Variants in TRPM3 observed in about 807,000 individuals in gnomAD.
TRPM3 encodes the protein long transient receptor potential channel 3.
TRPM3 carries 77 observed loss-of-function variants against 181.2 expected under a neutral mutation model. The observed-to-expected ratio is 0.42, with a 90% confidence interval of 0.35 to 0.51. TRPM3 has a LOEUF of 0.51. Ranked by LOEUF, TRPM3 falls within the 20% of genes least tolerant of loss-of-function variation. The pLI is 0.01. For missense variants in TRPM3, 1,759 were observed against 2,196.7 expected, an observed-to-expected ratio of 0.80 and a Z score of 3.98; for synonymous variants, 745 against 796.4, an observed-to-expected ratio of 0.94 and a Z score of 1.09.
intron 1 of TRPM3, among the ~76,000 whole-genome samples, chr9:71,292,706 C>T (rs1038622677): frequency 6.6e-6 from 1 of 151,796 alleles, no homozygotes; most frequent in Admixed American, 6.6e-5. Context: ...CCAGCAAGTT[C>T]TATGAACCTT....
At chr9:71,226,389 G>A (rs959954855) in intron 1 of TRPM3, among the ~76,000 whole-genome samples, 10 of 151,882 alleles carry the variant, frequency 6.6e-5, no homozygotes, top group African/African-American at 2.2e-4. Flanking sequence ...GACATAGAGT[G>A]GCTGAATGGA....
chr9:71,183,209 T>G (rs1164960472), intron 1 of TRPM3, among the ~76,000 whole-genome samples: 1 of 152,174 alleles, frequency 6.6e-6, no homozygotes, highest in African/African-American at 2.4e-5. Context: ...TGTGTCCTAC[T>G]GGATCCGCAC....
At position 70,587,045 on chromosome 9, in the gene TRPM3, C is replaced by G. The variant is rs116330980; in HGVS notation, c.3223+3986G>C. ...AACCTTTGTACTAAATATATACATA[C>G]ATAAATAAAGCAAAAACAAAACAAA... On this transcript the variant is annotated intron_variant, in intron 22 of 25. Coordinates refer to ENST00000677713, the MANE Select transcript of TRPM3 (RefSeq NM_001366145.2). 4.3e-3 allele frequency among the ~76,000 whole-genome samples: 655 copies of G among 151,022 alleles called. 5 individuals are homozygous for G. Among genetic ancestry groups the G allele is most frequent in the African/African-American group, 0.015 (602 of 41,066 alleles).
At chr9:71,409,349 G>T (rs1159814624) in intron 1 of TRPM3, among the ~76,000 whole-genome samples, 1 of 152,128 alleles carries the variant, frequency 6.6e-6, no homozygotes, top group East Asian at 1.9e-4. Flanking sequence ...TCAGTGTGCT[G>T]TATTCAGGAA....
intron 9 of TRPM3, among the ~76,000 whole-genome samples, chr9:70,648,909 C>T (rs1463522196): frequency 2.0e-5 from 3 of 151,972 alleles, no homozygotes; most frequent in Non-Finnish European, 2.9e-5. Context: ...AAACCTAGGA[C>T]GTATAATTCT....
intron 15 of TRPM3, 99 bp downstream of exon 15, chr9:70,621,145 C>G: frequency 2.7e-6 from 1 of 376,324 alleles, no homozygotes; most frequent in African/African-American, 2.3e-5. Context: ...TGTATATACA[C>G]TATATATTAT....
At chr9:70,789,589 T>G (rs1041591115) in intron 6 of TRPM3, among the ~76,000 whole-genome samples, 7 of 152,174 alleles carry the variant, frequency 4.6e-5, no homozygotes, top group African/African-American at 1.7e-4. Context: ...CAAAGACTTG[T>G]CATAGCTCTC....
chr9:71,040,301 A>G (rs1481435154), intron 1 of TRPM3, among the ~76,000 whole-genome samples: 1 of 152,206 alleles, frequency 6.6e-6, no homozygotes, highest in Non-Finnish European at 1.5e-5. Context: ...TTAAAGGTAA[A>G]TATTAGTGAA....
At chr9:71,169,806 T>A (rs1587758260) in intron 1 of TRPM3, among the ~76,000 whole-genome samples, 1 of 151,466 alleles carries the variant, frequency 6.6e-6, no homozygotes, top group East Asian at 1.9e-4. Context: ...TATAAAAATA[T>A]AAATTTTTAG....
intron 12 of TRPM3, among the ~76,000 whole-genome samples, chr9:70,633,143 T>G (rs1191002197): frequency 6.6e-6 from 1 of 152,190 alleles, no homozygotes; most frequent in East Asian, 1.9e-4. Context: ...AGCTGTCTCT[T>G]TAGAAAACCT....
At chr9:70,650,014 G>A (rs1258255698) in intron 9 of TRPM3, among the ~76,000 whole-genome samples, 1 of 152,168 alleles carries the variant, frequency 6.6e-6, no homozygotes. Context: ...GCAGCAATAT[G>A]GATGCAGCTG....
At chr9:70,755,694 C>T (rs1396379698) in intron 8 of TRPM3, among the ~76,000 whole-genome samples, 2 of 152,146 alleles carry the variant, frequency 1.3e-5, no homozygotes, top group Non-Finnish European at 2.9e-5. Flanking sequence ...AAAGAATTTT[C>T]AACCCAGAAT....
chr9:71,347,881 G>A (rs2091385310), intron 1 of TRPM3, among the ~76,000 whole-genome samples: 1 of 151,990 alleles, frequency 6.6e-6, no homozygotes, highest in Non-Finnish European at 1.5e-5. Context: ...AGATGTTATT[G>A]ATTGCTTATT....
At chr9:71,285,737 T>C (rs940073714) in intron 1 of TRPM3, among the ~76,000 whole-genome samples, 1 of 152,156 alleles carries the variant, frequency 6.6e-6, no homozygotes, top group African/African-American at 2.4e-5. Context: ...CTGCACACAT[T>C]TAGCTTGTTC....
At chr9:71,294,224 G>A (rs77007415) in intron 1 of TRPM3, among the ~76,000 whole-genome samples, 1,852 of 151,990 alleles carry the variant, frequency 0.012, 32 homozygotes, top group African/African-American at 0.042. Flanking sequence ...AATATTTGCT[G>A]TATATATAAC....
rs535503733 is a variant in TRPM3, at chr9:71,035,643, G to A, written c.177+85535C>T. Among the ~76,000 whole-genome samples the A allele has an allele frequency of 2.8e-3, 428 of 152,208 alleles. 7 individuals carry two copies. Among genetic ancestry groups the A allele is most frequent in the Middle Eastern group, 0.01 (3 of 294 alleles). On this transcript the variant is annotated intron_variant, in intron 1 of 25. Coordinates refer to ENST00000677713, the MANE Select transcript of TRPM3 (RefSeq NM_001366145.2). ...GAGGCATGAGAATCTCTTGAACCCG[G>A]GAGGCAGAGGTTGCAGTGAGCCGAT...
chr9:70,778,261 G>C (rs1026130812), intron 7 of TRPM3, among the ~76,000 whole-genome samples: 21 of 152,146 alleles, frequency 1.4e-4, no homozygotes, highest in African/African-American at 4.3e-4. Context: ...GGATTCTCGT[G>C]AAGAATGCGC....
intron 1 of TRPM3, among the ~76,000 whole-genome samples, chr9:71,437,864 GA>G (rs35701065): frequency 0.78 from 91,124 of 116,238 alleles, 35,943 homozygotes; most frequent in Non-Finnish European, 0.9. Context: ...CGAAACTCCG[GA>G]AAAAAAAAAA....
intron 1 of TRPM3, among the ~76,000 whole-genome samples, chr9:71,080,631 A>T (rs1199263496): frequency 6.6e-6 from 1 of 152,106 alleles, no homozygotes; most frequent in East Asian, 1.9e-4. Flanking sequence ...ATTCCTGGTC[A>T]TCCCCAACTC....
Sources: allele counts gnomAD v4.1 joint callset (sites outside exome capture counted in the v4.1 genomes callset), GRCh38; gene constraint gnomAD v4.1.1; transcripts MANE v1.5; gene names NCBI Gene and HGNC (gene_info 2026-07-23, HGNC 2026-07-21).